The following RBFOX1 variants were observed in gnomAD, a reference collection of about 807,000 sequenced individuals.
RBFOX1 encodes RNA binding fox-1 homolog 1.
In RBFOX1, 8 loss-of-function variants were observed where a neutral mutation model predicts 57.7. That is an observed-to-expected ratio of 0.14 (90% CI 0.08 to 0.25). The LOEUF (loss-of-function observed/expected upper bound fraction) is 0.25, where lower values mean the gene tolerates loss of function less well. Among genes scored for constraint, RBFOX1 ranks in the 10% least tolerant of loss-of-function variants. The probability of loss-of-function intolerance (pLI) is 1.00; values close to 1 mark genes in which losing one functional copy is unlikely to be tolerated. For missense variants in RBFOX1, 611 were observed against 548.5 expected, an observed-to-expected ratio of 1.11 and a Z score of -1.14; for synonymous variants, 326 against 222.4, an observed-to-expected ratio of 1.47 and a Z score of -4.15.
At chr16:7,659,468 A>G (rs2067145629) in intron 12 of RBFOX1, among the ~76,000 whole-genome samples, 1 of 152,210 alleles carries the variant, frequency 6.6e-6, no homozygotes, top group Admixed American at 6.5e-5. Context: ...ATCATTACCC[A>G]TTCTCAGAAT....
chr16:7,425,886 C>T lies in RBFOX1; in HGVS notation c.28-92261C>T, dbSNP rs150891187. 6.1e-4 allele frequency among the ~76,000 whole-genome samples: 93 copies of T among 152,216 alleles called. No homozygotes were observed. The East Asian group carries it at 0.017, about 28-fold the overall frequency. On this transcript the variant is annotated intron_variant, in intron 4 of 15. Coordinates refer to ENST00000550418, the MANE Select transcript of RBFOX1 (RefSeq NM_018723.4). ...TGAGCATTATACAAACAGTGATAAACGAAATGTATCATTTTTTCCCCATAA... is the reference window on the plus strand; with the variant it reads ...TGAGCATTATACAAACAGTGATAAATGAAATGTATCATTTTTTCCCCATAA...
intron 2 of RBFOX1, among the ~76,000 whole-genome samples, chr16:6,627,606 C>G (rs564556709): frequency 2.0e-5 from 3 of 152,110 alleles, no homozygotes; most frequent in African/African-American, 7.2e-5. Flanking sequence ...TGAGAATATA[C>G]TATTAACGCC....
chr16:6,267,545 G>C (rs552003073), intron 1 of RBFOX1, among the ~76,000 whole-genome samples: 1 of 152,254 alleles, frequency 6.6e-6, no homozygotes, highest in African/African-American at 2.4e-5. Context: ...CCTTTCTTTA[G>C]CAGAGAAGCT....
intron 3 of RBFOX1, among the ~76,000 whole-genome samples, chr16:5,851,095 C>G (rs535038690): frequency 4.1e-4 from 63 of 152,316 alleles, no homozygotes; most frequent in Non-Finnish European, 5.9e-4. Context: ...TTATTTCTCC[C>G]TTTGGTACAC....
At chr16:6,776,328 G>A (rs1389495208) in intron 3 of RBFOX1, among the ~76,000 whole-genome samples, 2 of 152,042 alleles carry the variant, frequency 1.3e-5, no homozygotes, top group Non-Finnish European at 1.5e-5. Context: ...GGAGAATGGT[G>A]TGAACCCAGG....
chr16:6,802,484 C>G (rs1039429769), intron 3 of RBFOX1, among the ~76,000 whole-genome samples: 2 of 152,240 alleles, frequency 1.3e-5, no homozygotes, highest in Middle Eastern at 6.8e-3. Flanking sequence ...TGAGACCAGC[C>G]TGACCAATTT....
chr16:7,335,050 G>T (rs1026635070), intron 4 of RBFOX1, among the ~76,000 whole-genome samples: 7 of 152,168 alleles, frequency 4.6e-5, no homozygotes, highest in African/African-American at 1.7e-4. Flanking sequence ...CTTATGGTTT[G>T]CTGAGACAGC....
rs567000188 is a variant in RBFOX1 at position 5,361,709 on chromosome 16, C to G, written c.220-105507C>G. ...GAGCAGTCAACTGAGAAAAACAATT[C>G]CAGGTACCTGCAAGGCTCCTCCACT... On this transcript the variant is annotated intron_variant, in intron 1 of 2. Transcript: ENST00000585867. 3.3e-5 allele frequency among the ~76,000 whole-genome samples: 5 copies of G among 152,294 alleles called. No individual in the cohort carries two copies. The South Asian group carries it at 1.0e-3, about 32-fold the overall frequency.
At chr16:7,166,599 CTTG>C (rs1450711348) in intron 4 of RBFOX1, among the ~76,000 whole-genome samples, 5 of 152,096 alleles carry the variant, frequency 3.3e-5, no homozygotes, top group South Asian at 4.1e-4. Flanking sequence ...GGCTGTGTGC[CTTG>C]TTGTTGTCAT....
intron 3 of RBFOX1, among the ~76,000 whole-genome samples, chr16:5,804,510 A>G (rs188113502): frequency 5.5e-4 from 84 of 152,300 alleles, no homozygotes; most frequent in African/African-American, 1.9e-3. Flanking sequence ...TCCTAAACTG[A>G]TAAATCTGAG....
rs188973815 is a variant in RBFOX1, at chr16:5,784,115, G to C, written c.319-83188G>C. 9.8e-3 allele frequency among the ~76,000 whole-genome samples: 1,492 copies of C among 152,232 alleles called. 22 individuals carry two copies. Among genetic ancestry groups the C allele is most frequent in the Non-Finnish European group, 0.011 (719 of 68,024 alleles). ...GAGGCCTCAGGAAACCTACACTCAC[G>C]GCAGAAGGTGAAGAGGAAGCAGGCA... is the stretch of plus-strand genomic sequence containing the variant. On this transcript the variant is annotated intron_variant, in intron 3 of 19. Coordinates refer to the RBFOX1 transcript ENST00000641259.
intron 1 of RBFOX1, among the ~76,000 whole-genome samples, chr16:6,306,819 T>C (rs145753484): frequency 3.3e-5 from 5 of 152,252 alleles, no homozygotes; most frequent in Admixed American, 1.3e-4. Context: ...TGCCTTGCAC[T>C]CAGTACCTCT....
At chr16:6,642,474 G>C (rs1374676842) in intron 2 of RBFOX1, among the ~76,000 whole-genome samples, 13 of 151,982 alleles carry the variant, frequency 8.6e-5, no homozygotes, top group Admixed American at 8.5e-4. Flanking sequence ...TCGGTACTAT[G>C]TTTAATTGTG....
chr16:5,904,653 G>T (rs1416207866), intron 4 of RBFOX1, among the ~76,000 whole-genome samples: 2 of 152,056 alleles, frequency 1.3e-5, no homozygotes, highest in Non-Finnish European at 2.9e-5. Flanking sequence ...ACCTCAGAAT[G>T]TGACTGCTTT....
At chr16:7,256,720 C>G (rs559078705) in intron 4 of RBFOX1, among the ~76,000 whole-genome samples, 1 of 152,140 alleles carries the variant, frequency 6.6e-6, no homozygotes, top group East Asian at 1.9e-4. Flanking sequence ...GAAGGACGCC[C>G]AGGGCCATGT....
intron 3 of RBFOX1, among the ~76,000 whole-genome samples, chr16:5,669,145 G>A (rs769068666): frequency 6.6e-6 from 1 of 152,082 alleles, no homozygotes; most frequent in Non-Finnish European, 1.5e-5. Context: ...AATTCCAGAG[G>A]GTTGGCCTTT....
At chr16:7,598,991 A>G (rs2094863903) in intron 9 of RBFOX1, among the ~76,000 whole-genome samples, 1 of 152,218 alleles carries the variant, frequency 6.6e-6, no homozygotes, top group South Asian at 2.1e-4. Context: ...TAAAAGGGGC[A>G]TCATTCAACA....
chr16:7,085,746 C>T (rs193067192), intron 4 of RBFOX1, among the ~76,000 whole-genome samples: 103 of 152,254 alleles, frequency 6.8e-4, no homozygotes, highest in Admixed American at 2.0e-3. Flanking sequence ...GATGAATTTT[C>T]GGTTTTTTCT....
intron 1 of RBFOX1, among the ~76,000 whole-genome samples, chr16:5,431,226 A>C (rs1309898835): frequency 1.3e-5 from 2 of 152,230 alleles, no homozygotes; most frequent in East Asian, 3.8e-4. Context: ...AATGCTGAAT[A>C]GCCTTTCGTA....
Sources: allele counts gnomAD v4.1 joint callset (sites outside exome capture counted in the v4.1 genomes callset), GRCh38; gene constraint gnomAD v4.1.1; transcripts MANE v1.5; gene names NCBI Gene and HGNC (gene_info 2026-07-23, HGNC 2026-07-21).